Variants in PCDH9 observed in about 807,000 individuals in gnomAD.
The protein encoded by PCDH9 is protocadherin-9.
PCDH9 carries 24 observed loss-of-function variants against 70.6 expected under a neutral mutation model. That is an observed-to-expected ratio of 0.34 (90% CI 0.25 to 0.48). The LOEUF (loss-of-function observed/expected upper bound fraction) is 0.48. Ranked by LOEUF, PCDH9 falls within the 20% of genes least tolerant of loss-of-function variation. PCDH9 has a pLI of 0.99. For synonymous variants in PCDH9, 562 were observed against 558.5 expected, an observed-to-expected ratio of 1.01 and a Z score of -0.09; for missense variants, 1,281 against 1,503.6, an observed-to-expected ratio of 0.85 and a Z score of 2.45.
Position 66,966,249 on chromosome 13 carries a change from G to A in PCDH9, c.3037-62644C>T, listed in dbSNP as rs1415569899. Among the ~76,000 whole-genome samples the A allele has an allele frequency of 1.1e-4, 17 of 152,116 alleles. No individual in the cohort carries two copies. In the East Asian group the frequency reaches 3.3e-3, roughly 29 times the overall value. The stretch of plus-strand genomic sequence containing the variant: ...CTCGTTTCCAAATAGGGACAATATT[G>A]ACTACCCCTCCTACCAAACTTGTTG... On this transcript the variant is annotated intron_variant, in intron 2 of 4. Coordinates refer to ENST00000377865, the MANE Select transcript of PCDH9 (RefSeq NM_203487.3).
At chr13:67,215,643 T>A (rs984130234) in intron 2 of PCDH9, 1 of 152,222 alleles carries the variant, frequency 6.6e-6, no homozygotes, top group African/African-American at 2.4e-5. Flanking sequence ...TGTCCAAAAT[T>A]ACTGAGAAAA....
At chr13:66,608,168 G>T (rs1478950379) in intron 4 of PCDH9, among the ~76,000 whole-genome samples, 1 of 147,934 alleles carries the variant, frequency 6.8e-6, no homozygotes, top group Non-Finnish European at 1.5e-5. Flanking sequence ...TTGTGTGTGT[G>T]TGTGTGTATA....
intron 2 of PCDH9, among the ~76,000 whole-genome samples, chr13:67,008,089 T>C (rs939438455): frequency 6.6e-6 from 1 of 152,104 alleles, no homozygotes; most frequent in Non-Finnish European, 1.5e-5. Context: ...TTCTCATCAG[T>C]GTCAGATACA....
rs745657830 is a variant in PCDH9 at position 67,226,817 on chromosome 13, C to T, written c.1624G>A (p.Val542Ile). 3.1e-6 allele frequency: 5 copies of T among 1,614,106 alleles called. No homozygotes were observed. The highest frequency in any genetic ancestry group is 1.6e-4 in the Middle Eastern group (1 of 6,062). Reference protein sequence around the residue: ...REEQERFIFTVTARDNGTPPL... With the variant: ...REEQERFIFTITARDNGTPPL... ...GGGGTCCCATTGTCCCTGGCAGTTA[C>T]TGTAAAAATGAATCGTTCTTGTTCT... The change falls in exon 2 of 5, where the codon GTA becomes ATA. Residue 542 changes from valine (V) to isoleucine (I), a missense_variant. Around this residue, in one of 4 missense-constraint regions of PCDH9, gnomAD observed 798 missense variants for 1,003.1 expected, o/e 0.80. Transcript: ENST00000377865. This position sits in a 1 kb window ranked among gnomAD's most constrained non-coding sequence, Gnocchi z 5.0.
intron 4 of PCDH9, among the ~76,000 whole-genome samples, chr13:66,479,657 A>G (rs141370632): frequency 0.012 from 1,883 of 151,978 alleles, 39 homozygotes; most frequent in African/African-American, 0.044. Context: ...TGCACCAATC[A>G]GCAATCTGTA....
intron 3 of PCDH9, among the ~76,000 whole-genome samples, chr13:66,822,136 G>GCAAACA (rs1555272305): frequency 6.7e-6 from 1 of 149,174 alleles, no homozygotes; most frequent in Non-Finnish European, 1.5e-5. Context: ...TCACACACGC[G>GCAAACA]CACACACACA....
chr13:67,075,582 T>C (rs1468393513), intron 2 of PCDH9, among the ~76,000 whole-genome samples: 2 of 152,114 alleles, frequency 1.3e-5, no homozygotes, highest in Non-Finnish European at 2.9e-5. Context: ...AGAAAGTTTC[T>C]TAAAATTTTA....
At chr13:66,423,855 G>A (rs7329173) in intron 4 of PCDH9, among the ~76,000 whole-genome samples, 64,376 of 151,902 alleles carry the variant, frequency 0.42, 13,898 homozygotes, top group South Asian at 0.54. Flanking sequence ...AAGAAATAAA[G>A]GGTATTCAGA....
At chr13:66,907,389 T>C (rs2082380590) in intron 2 of PCDH9, among the ~76,000 whole-genome samples, 1 of 152,120 alleles carries the variant, frequency 6.6e-6, no homozygotes, top group African/African-American at 2.4e-5. Flanking sequence ...ATAACAACAA[T>C]CATATTCAAT....
intron 3 of PCDH9, among the ~76,000 whole-genome samples, chr13:66,653,236 A>T (rs2077877620): frequency 6.6e-6 from 1 of 152,178 alleles, no homozygotes; most frequent in Admixed American, 6.5e-5. Context: ...ACTGAATGAG[A>T]GAAAATATTG....
chr13:66,735,260 G>C (rs1268771783), intron 3 of PCDH9, among the ~76,000 whole-genome samples: 7 of 152,154 alleles, frequency 4.6e-5, no homozygotes, highest in African/African-American at 1.7e-4. Flanking sequence ...ATAATGTAAA[G>C]TTTAACTATC....
chr13:66,770,893 C>T (rs1050612544), intron 3 of PCDH9, among the ~76,000 whole-genome samples: 1 of 152,126 alleles, frequency 6.6e-6, no homozygotes, highest in African/African-American at 2.4e-5. Context: ...AAATTCTAAC[C>T]TAAGCTAAAA....
At chr13:67,222,241 T>C (rs916375612) in intron 2 of PCDH9, 3 of 80,468 alleles carry the variant, frequency 3.7e-5, no homozygotes, top group Non-Finnish European at 9.0e-5. Flanking sequence ...TAAACTTTGT[T>C]GTTTTTTTTT....
rs544866107 is a variant in PCDH9, at chr13:66,667,714, A to G, written c.3139-36303T>C. ...GACTGCCACCATTTTACTCCCCTAA[A>G]TACATAATTTATTCCTGACATCTAA... On this transcript the variant is annotated intron_variant, in intron 3 of 4. Transcript: ENST00000377865. Among the ~76,000 whole-genome samples the G allele has an allele frequency of 2.4e-4, 37 of 152,272 alleles. No homozygotes were observed. In the South Asian group the frequency reaches 3.5e-3, roughly 14 times the overall value.
chr13:66,892,150 C>CGT (rs148933542), intron 3 of PCDH9, among the ~76,000 whole-genome samples: 14 of 147,580 alleles, frequency 9.5e-5, no homozygotes, highest in South Asian at 2.1e-4. Flanking sequence ...ACTTACATTA[C>CGT]GTGTGTGTGT....
At chr13:66,971,091 A>T (rs1055648709) in intron 2 of PCDH9, among the ~76,000 whole-genome samples, 3 of 152,040 alleles carry the variant, frequency 2.0e-5, no homozygotes, top group Non-Finnish European at 4.4e-5. Flanking sequence ...CTATTTGGAC[A>T]AATTGTGAGT....
intron 3 of PCDH9, among the ~76,000 whole-genome samples, chr13:66,750,264 T>C (rs78538192): frequency 0.015 from 2,304 of 152,262 alleles, 67 homozygotes; most frequent in African/African-American, 0.052. Context: ...TAGTTAATTA[T>C]CAAACAATAA....
chr13:66,580,248 A>AAAT (rs2076871967), intron 4 of PCDH9, among the ~76,000 whole-genome samples: 1 of 152,030 alleles, frequency 6.6e-6, no homozygotes, highest in Non-Finnish European at 1.5e-5. Context: ...ATCTTTGTTA[A>AAAT]AATATTTGTC....
chr13:66,680,091 T>C (rs968685768), intron 3 of PCDH9, among the ~76,000 whole-genome samples: 3 of 151,970 alleles, frequency 2.0e-5, no homozygotes, highest in Non-Finnish European at 4.4e-5. Flanking sequence ...CCTTTGGCAA[T>C]ATTTATGGGG....
Sources: gnomAD v4.1 joint callset for allele counts (sites outside exome capture counted in the v4.1 genomes callset) on GRCh38, gnomAD v4.1.1 for gene constraint, gnomAD v4.1.1 regional missense constraint, Gnocchi (gnomAD v3.1) non-coding constraint, MANE v1.5 for transcripts, NCBI Gene and HGNC (gene_info 2026-07-23, HGNC 2026-07-21) for gene names.